PARP8: variants seen among roughly 807,000 people sequenced by gnomAD.
PARP8 encodes the protein poly(ADP-ribose) polymerase family member 8.
Under a neutral mutation model 124.1 loss-of-function variants are expected in PARP8, and 51 were observed. That is an observed-to-expected ratio of 0.41 (90% CI 0.33 to 0.52). The LOEUF (loss-of-function observed/expected upper bound fraction) is 0.52. Among genes scored for constraint, PARP8 ranks in the 20% least tolerant of loss-of-function variants. The pLI is 0.21. For synonymous variants in PARP8, 391 were observed against 361.5 expected (o/e 1.08, Z -0.93); for missense variants, 860 against 1,018.9 (o/e 0.84, Z 2.12).
chr5:50,712,935 G>A (rs1438252098), intron 2 of PARP8, among the ~76,000 whole-genome samples: 2 of 151,472 alleles, frequency 1.3e-5, no homozygotes, highest in Non-Finnish European at 1.5e-5. Context: ...ATGAGGTAAA[G>A]TATTATAATA....
chr5:50,811,577 A>T (rs1405935857), intron 14 of PARP8, among the ~76,000 whole-genome samples: 1 of 150,594 alleles, frequency 6.6e-6, no homozygotes, highest in Non-Finnish European at 1.5e-5. Context: ...ATTTTATTTC[A>T]TTTTATTTCC....
At chr5:50,668,987 A>T (rs1749688436) in intron 2 of PARP8, 1 of 152,230 alleles carries the variant, frequency 6.6e-6, no homozygotes, top group Non-Finnish European at 1.5e-5. Flanking sequence ...TATCTTAGCT[A>T]ATGGAAACAT....
At chr5:50,747,150 G>GTTTTT (rs1561320439) in intron 2 of PARP8, among the ~76,000 whole-genome samples, 3 of 38,482 alleles carry the variant, frequency 7.8e-5, no homozygotes, top group African/African-American at 2.1e-4. Context: ...GGTTTTTTTT[G>GTTTTT]TTTGTTTGTT....
At chr5:50,798,909 A>C (rs1247183858) in intron 14 of PARP8, among the ~76,000 whole-genome samples, 1 of 152,050 alleles carries the variant, frequency 6.6e-6, no homozygotes, top group African/African-American at 2.4e-5. Flanking sequence ...CATATTTTTA[A>C]ATTGGGTTAT....
At chr5:50,753,004 A>G (rs565711519) in intron 3 of PARP8, among the ~76,000 whole-genome samples, 23 of 152,106 alleles carry the variant, frequency 1.5e-4, no homozygotes, top group Non-Finnish European at 2.6e-4. Context: ...TTGAGTCAGC[A>G]TATATAATAG....
intron 10 of PARP8, 105 bp downstream of exon 10, chr5:50,788,694 T>G: frequency 1.1e-6 from 1 of 893,202 alleles, no homozygotes; most frequent in Non-Finnish European, 1.8e-6. Flanking sequence ...AAGAACTTTT[T>G]GAAGCAAGTC....
rs1748522374 is a variant in PARP8, at chr5:50,845,160, A to G, written c.*3092A>G. On this transcript the variant is annotated 3_prime_UTR_variant, in exon 26 of 26. Coordinates refer to ENST00000281631, the MANE Select transcript of PARP8 (RefSeq NM_024615.4). ...CTTCATTTTTCTCCCCTTTGCTAAA[A>G]GAAAGAAAATCTATAATATGTAAGT... The G allele has an allele frequency of 6.6e-6, 1 of 151,770 alleles. No individual in the cohort carries two copies. The highest frequency in any genetic ancestry group is 6.6e-5 in the Admixed American group (1 of 15,198). 9.4% of individuals were successfully genotyped at this position (151,770 alleles called of 1,614,324 possible).
chr5:50,695,306 G>A (rs1460635043), intron 2 of PARP8, among the ~76,000 whole-genome samples: 1 of 152,126 alleles, frequency 6.6e-6, no homozygotes, highest in African/African-American at 2.4e-5. Context: ...CTGAACTGTA[G>A]GTGTCACCAT....
At chr5:50,800,420 T>G (rs1224322074) in intron 14 of PARP8, among the ~76,000 whole-genome samples, 1 of 152,172 alleles carries the variant, frequency 6.6e-6, no homozygotes, top group East Asian at 1.9e-4. Context: ...TTTTATTACT[T>G]TTCCTTATCT....
In PARP8 at chr5:50,842,236, A is replaced by G. The variant is rs887524314; in HGVS notation, c.*168A>G. On this transcript the variant is annotated 3_prime_UTR_variant, in exon 26 of 26. Coordinates refer to ENST00000281631, the MANE Select transcript of PARP8 (RefSeq NM_024615.4). ...CTAAGTATCTCATTAAATACCTAAA[A>G]TGGTATAAGATTTATCAATTGTAGG... The G allele has an allele frequency of 3.3e-4, 166 of 505,086 alleles. 1 individual carries two copies. Among genetic ancestry groups the G allele is most frequent in the African/African-American group, 3.3e-3 (159 of 48,726 alleles). The allele number at this position is 505,086 out of a possible 1,614,324, so 31.3% of individuals were successfully genotyped here. A position where few individuals can be genotyped will look rare whatever the true frequency, so the allele number is the denominator to read the frequency against.
At chr5:50,790,149 A>C (rs748307358) in intron 10 of PARP8, among the ~76,000 whole-genome samples, 31 of 152,212 alleles carry the variant, frequency 2.0e-4, no homozygotes, top group Non-Finnish European at 3.8e-4. Flanking sequence ...AAGATATGCA[A>C]ATATAAAATT....
intron 2 of PARP8, among the ~76,000 whole-genome samples, chr5:50,716,375 G>C (rs1482954556): frequency 6.6e-6 from 1 of 152,120 alleles, no homozygotes; most frequent in African/African-American, 2.4e-5. Context: ...TCTCCTCTGT[G>C]AAGTAGGAAG....
chr5:50,673,727 C>G (rs1304766275), intron 2 of PARP8, among the ~76,000 whole-genome samples: 2 of 152,178 alleles, frequency 1.3e-5, no homozygotes, highest in Non-Finnish European at 2.9e-5. Context: ...TGCTGGTTGG[C>G]AAAGGTAGTG....
chr5:50,763,681 T>G (rs1760782041), intron 7 of PARP8, among the ~76,000 whole-genome samples: 1 of 152,088 alleles, frequency 6.6e-6, no homozygotes, highest in African/African-American at 2.4e-5. Context: ...TGAATGATCA[T>G]GTATTTTATT....
At chr5:50,816,068 T>A (rs1040557531) in intron 15 of PARP8, among the ~76,000 whole-genome samples, 1 of 151,938 alleles carries the variant, frequency 6.6e-6, no homozygotes, top group African/African-American at 2.4e-5. Context: ...CTCTAAAAAA[T>A]TAATGAACAT....
At chr5:50,695,843 T>C (rs1232190323) in intron 2 of PARP8, among the ~76,000 whole-genome samples, 1 of 152,198 alleles carries the variant, frequency 6.6e-6, no homozygotes, top group Non-Finnish European at 1.5e-5. Flanking sequence ...ATGGGAATTA[T>C]AAATTTCAAA....
chr5:50,699,368 T>C (rs1753355176), intron 2 of PARP8, among the ~76,000 whole-genome samples: 1 of 152,202 alleles, frequency 6.6e-6, no homozygotes, highest in Admixed American at 6.5e-5. Flanking sequence ...GTTGGAATCT[T>C]CAGAAATAAT....
intron 2 of PARP8, among the ~76,000 whole-genome samples, chr5:50,672,728 C>T (rs184958599): frequency 3.9e-5 from 6 of 152,280 alleles, no homozygotes; most frequent in Admixed American, 3.3e-4. Flanking sequence ...CCCTAATCCA[C>T]CTGGGCCCGC....
At chr5:50,764,813 CT>C (rs5867717) in intron 7 of PARP8, among the ~76,000 whole-genome samples, 3,683 of 138,314 alleles carry the variant, frequency 0.027, 94 homozygotes, top group African/African-American at 0.071. Context: ...GTGTTTTTTT[CT>C]TTTTTTTTTT....
Sources: gnomAD v4.1 joint callset for allele counts (sites outside exome capture counted in the v4.1 genomes callset) on GRCh38, gnomAD v4.1.1 for gene constraint, MANE v1.5 for transcripts, NCBI Gene and HGNC (gene_info 2026-07-23, HGNC 2026-07-21) for gene names.